HAT1: variants seen among roughly 807,000 people sequenced by gnomAD.
The protein encoded by HAT1 is histone acetyltransferase 1.
A neutral mutation model predicts 56.6 loss-of-function variants in HAT1; 20 were observed. The observed-to-expected ratio is 0.35, with a 90% CI of 0.25 to 0.51. The LOEUF is 0.51. Ranked by LOEUF, HAT1 falls within the 20% of genes least tolerant of loss-of-function variation. The pLI is 0.95. For missense variants in HAT1, 408 were observed against 504.3 expected (o/e 0.81, Z 1.83); for synonymous variants, 146 against 165.5 (o/e 0.88, Z 0.91).
chr2:171,951,503 T>C (rs1687306789), intron 3 of HAT1, among the ~76,000 whole-genome samples: 1 of 151,960 alleles, frequency 6.6e-6, no homozygotes, highest in Non-Finnish European at 1.5e-5. Context: ...CACTGCAGTC[T>C]CCACCTCCTG....
At chr2:171,962,991 TTTAAA>T (rs1687608552) in intron 4 of HAT1, among the ~76,000 whole-genome samples, 1 of 152,010 alleles carries the variant, frequency 6.6e-6, no homozygotes, top group African/African-American at 2.4e-5. Flanking sequence ...AGACGAATAT[TTTAAA>T]TTAAACTAAA....
At position 171,965,775 on chromosome 2, in the gene HAT1, C is replaced by A. The variant is rs1687669463; in HGVS notation, c.490-12C>A. The A allele has an allele frequency of 3.1e-6, 5 of 1,610,792 alleles. No individual in the cohort carries two copies. The highest frequency in any genetic ancestry group is 1.1e-5 in the South Asian group (1 of 90,404). On this transcript the variant is annotated splice_polypyrimidine_tract_variant and intron_variant, in intron 5 of 10. Coordinates refer to ENST00000264108, the MANE Select transcript of HAT1 (RefSeq NM_003642.4). ...ATGAGTTTCACCTGACTTTTCCTGG[C>A]TTTTTCCCTAGGCTGACATGACATG...
At chr2:171,971,060 G>A (rs969622043) in intron 8 of HAT1, among the ~76,000 whole-genome samples, 7 of 151,986 alleles carry the variant, frequency 4.6e-5, no homozygotes, top group Non-Finnish European at 8.8e-5. Flanking sequence ...TTAGCCAGGC[G>A]TGATGGTGGG....
chr2:171,948,746 T>C (rs1687232531), intron 3 of HAT1, among the ~76,000 whole-genome samples: 1 of 152,248 alleles, frequency 6.6e-6, no homozygotes, highest in African/African-American at 2.4e-5. Context: ...TTTGTAGAAC[T>C]GTTATATTGG....
At chr2:171,979,137 T>C in intron 9 of HAT1, 110 bp from the exon 10 acceptor site, 1 of 661,540 alleles carries the variant, frequency 1.5e-6, no homozygotes, top group Non-Finnish European at 2.7e-6. Flanking sequence ...CTCTGGTTTC[T>C]AGCACAATTC....
intron 4 of HAT1, among the ~76,000 whole-genome samples, chr2:171,960,091 T>G (rs186799859): frequency 3.3e-5 from 5 of 152,294 alleles, no homozygotes; most frequent in African/African-American, 1.2e-4. Context: ...TAGTTGGCAT[T>G]CTTTAGAGGC....
chr2:171,923,568 G>C (rs1215569996), intron 1 of HAT1: 3 of 152,196 alleles, frequency 2.0e-5, no homozygotes, highest in African/African-American at 7.2e-5. Flanking sequence ...GAGCCACTTC[G>C]CTGGCCTTTG....
At chr2:171,974,535 TCTTC>T (rs1687913857) in intron 8 of HAT1, among the ~76,000 whole-genome samples, 1 of 152,346 alleles carries the variant, frequency 6.6e-6, no homozygotes, top group Non-Finnish European at 1.5e-5. Flanking sequence ...CATTTTTACC[TCTTC>T]CTTTGCAGTC....
intron 9 of HAT1, among the ~76,000 whole-genome samples, chr2:171,978,083 G>A (rs1688033141): frequency 1.3e-5 from 2 of 148,306 alleles, no homozygotes; most frequent in African/African-American, 5.0e-5. Flanking sequence ...TTGAGACAGG[G>A]TCTCTTGCTC....
At chr2:171,972,390 TA>T (rs1282543427) in intron 8 of HAT1, among the ~76,000 whole-genome samples, 1 of 152,072 alleles carries the variant, frequency 6.6e-6, no homozygotes, top group African/African-American at 2.4e-5. Flanking sequence ...GACTCCCAAG[TA>T]GCTGGAACTA....
intron 2 of HAT1, among the ~76,000 whole-genome samples, chr2:171,943,081 T>C (rs544307547): frequency 1.6e-4 from 24 of 152,016 alleles, no homozygotes; most frequent in African/African-American, 5.8e-4. Flanking sequence ...GAGTTTTTTT[T>C]TTTTTTTAAC....
At chr2:171,947,508 C>T (rs1427176425) in intron 3 of HAT1, among the ~76,000 whole-genome samples, 4 of 151,950 alleles carry the variant, frequency 2.6e-5, no homozygotes, top group Non-Finnish European at 4.4e-5. Context: ...CTCCCACCTG[C>T]GCCTCCCAAA....
chr2:171,979,652 A>G (rs754936399), intron 10 of HAT1: 124 of 231,272 alleles, frequency 5.4e-4, no homozygotes, highest in Non-Finnish European at 8.5e-4. Context: ...TACTAAAAAT[A>G]CAAACATTAG....
chr2:171,934,798 C>A (rs558528993), intron 2 of HAT1, among the ~76,000 whole-genome samples: 1 of 144,710 alleles, frequency 6.9e-6, no homozygotes, highest in Non-Finnish European at 1.5e-5. Flanking sequence ...TCTTGTCATC[C>A]GGGCTGGAGT....
At chr2:171,974,210 A>G (rs74173126) in intron 8 of HAT1, among the ~76,000 whole-genome samples, 17 of 72,690 alleles carry the variant, frequency 2.3e-4, no homozygotes, top group Admixed American at 5.6e-4. Flanking sequence ...AGAAAAAGAA[A>G]AAAAAAAAAA....
chr2:171,922,879 C>T (rs1686477789), intron 1 of HAT1: 4 of 234,318 alleles, frequency 1.7e-5, no homozygotes, highest in African/African-American at 6.7e-5. Flanking sequence ...TGGTCCTGTT[C>T]CCGCCAGCTG....
intron 8 of HAT1, among the ~76,000 whole-genome samples, chr2:171,975,512 G>A (rs62183765): frequency 1.4e-4 from 21 of 152,156 alleles, no homozygotes; most frequent in South Asian, 1.2e-3. Flanking sequence ...ACTTGTCTTT[G>A]TGGGAAGATT....
At chr2:171,944,596 G>A (rs868605465) in intron 2 of HAT1, among the ~76,000 whole-genome samples, 4 of 152,106 alleles carry the variant, frequency 2.6e-5, no homozygotes, top group Admixed American at 6.5e-5. Context: ...GAGTATGATG[G>A]ATTTTGGTAC....
chr2:171,944,502 G>A (rs772047104), intron 2 of HAT1, among the ~76,000 whole-genome samples: 6 of 152,172 alleles, frequency 3.9e-5, no homozygotes, highest in Non-Finnish European at 7.3e-5. Context: ...CTTGAACTGT[G>A]TGGGTCCACT....
Sources: allele counts gnomAD v4.1 joint callset (sites outside exome capture counted in the v4.1 genomes callset), GRCh38; gene constraint gnomAD v4.1.1; transcripts MANE v1.5; gene names NCBI Gene and HGNC (gene_info 2026-07-23, HGNC 2026-07-21).